Variants in SFMBT2 observed in about 807,000 individuals in gnomAD.
SFMBT2 encodes Scm like with four mbt domains 2.
Under a neutral mutation model 110.1 loss-of-function variants are expected in SFMBT2, and 38 were observed. That is an observed-to-expected ratio of 0.35 (90% CI 0.27 to 0.45). The LOEUF (loss-of-function observed/expected upper bound fraction) is 0.45. Ranked by LOEUF, SFMBT2 falls within the 20% of genes least tolerant of loss-of-function variation. The pLI, the probability that SFMBT2 is intolerant of heterozygous loss-of-function variation, is 1.00. For synonymous variants in SFMBT2, 425 were observed against 425.4 expected, an observed-to-expected ratio of 1.00 and a Z score of 0.01; for missense variants, 1,011 against 1,094.9, an observed-to-expected ratio of 0.92 and a Z score of 1.08.
rs371294084 is a variant in SFMBT2, at chr10:7,266,070, G to A, written c.870+10822C>T. On this transcript the variant is annotated intron_variant, in intron 7 of 20. Transcript: ENST00000397167. ...AGAGTGCGCAGAAGGGGAGATAGTG[G>A]AACAGAGTGCGGTTTTCTTTCCTTT... Among the ~76,000 whole-genome samples, 18 of 151,998 alleles carry A rather than the reference G, an allele frequency of 1.2e-4. No individual in the cohort carries two copies. The South Asian group carries it at 3.7e-3, about 32-fold the overall frequency.
At chr10:7,353,442 A>G (rs1364976544) in intron 4 of SFMBT2, among the ~76,000 whole-genome samples, 1 of 151,906 alleles carries the variant, frequency 6.6e-6, no homozygotes, top group East Asian at 1.9e-4. Flanking sequence ...ATGCTCAATT[A>G]TGATAAATCC....
intron 9 of SFMBT2, among the ~76,000 whole-genome samples, chr10:7,231,880 C>T (rs1310118273): frequency 3.9e-5 from 6 of 152,058 alleles, no homozygotes; most frequent in Non-Finnish European, 7.4e-5. Context: ...AAAATAACTG[C>T]GACATAAAAA....
At position 7,370,811 on chromosome 10, in the gene SFMBT2, A is replaced by T. The variant is rs148960042; in HGVS notation, c.101-436T>A. ...CAGAGAACAGCACTAATTGTTATAA[A>T]GATAAAGCACTGACTCTGGCATCAT... On this transcript the variant is annotated intron_variant, in intron 2 of 20. Coordinates refer to ENST00000397167, the MANE Select transcript of SFMBT2 (RefSeq NM_001387889.1). The T allele has an allele frequency of 2.1e-3, 2,100 of 981,506 alleles. 1 individual carries two copies. The highest frequency in any genetic ancestry group is 2.4e-3 in the Non-Finnish European group (1,998 of 826,344). The allele number at this position is 981,506 out of a possible 1,614,324, so 60.8% of individuals were successfully genotyped here.
intron 2 of SFMBT2, among the ~76,000 whole-genome samples, chr10:7,373,881 G>A (rs941455569): frequency 5.9e-5 from 9 of 152,214 alleles, no homozygotes; most frequent in Admixed American, 3.3e-4. Context: ...GCCGAAGGAG[G>A]CACAAGGTTC....
In SFMBT2 at chr10:7,170,827, C is replaced by A; in HGVS notation, c.2544+101G>T. Reference sequence around the variant, plus strand: ...ACACCTGCCGAGCAGCGCCGAAGAACCCCCTCGCAGGTGTCACGAGGAAGC... The same window carrying A: ...ACACCTGCCGAGCAGCGCCGAAGAAACCCCTCGCAGGTGTCACGAGGAAGC... On this transcript the variant is annotated intron_variant, in intron 20 of 20. Transcript: ENST00000397167. The surrounding 1 kb of genome is among the most constrained non-coding windows in gnomAD (Gnocchi z 4.6). 3.5e-6 allele frequency: 5 copies of A among 1,432,416 alleles called. No homozygotes were observed. The highest frequency in any genetic ancestry group is 1.8e-5 in the Admixed American group (1 of 54,342). The allele number at this position is 1,432,416 out of a possible 1,614,324, so 88.7% of individuals were successfully genotyped here.
At chr10:7,356,253 G>A (rs373172501) in intron 4 of SFMBT2, among the ~76,000 whole-genome samples, 49 of 152,166 alleles carry the variant, frequency 3.2e-4, no homozygotes, top group African/African-American at 1.1e-3. Flanking sequence ...TCTCATCCTC[G>A]TGGAAGTGTA....
At chr10:7,347,447 A>C (rs1844152786) in intron 4 of SFMBT2, among the ~76,000 whole-genome samples, 1 of 152,350 alleles carries the variant, frequency 6.6e-6, no homozygotes, top group South Asian at 2.1e-4. Context: ...AGCTGGAAGC[A>C]AAAATCCCTC....
rs774550188 is a variant in SFMBT2, at chr10:7,293,996, A to G, written c.437-8042T>C. ...CTCGCTGGACATGGCCACATCTCAT[A>G]GTACAATAGGAGGTACGTCCCAAAG... On this transcript the variant is annotated intron_variant, in intron 4 of 20. Coordinates refer to ENST00000397167, the MANE Select transcript of SFMBT2 (RefSeq NM_001387889.1). This position sits in a 1 kb window ranked among gnomAD's most constrained non-coding sequence, Gnocchi z 4.6. 6.6e-5 allele frequency among the ~76,000 whole-genome samples: 10 copies of G among 152,230 alleles called. No individual in the cohort carries two copies. The highest frequency in any genetic ancestry group is 1.5e-4 in the Non-Finnish European group (10 of 68,038).
intron 15 of SFMBT2, among the ~76,000 whole-genome samples, chr10:7,194,202 G>T (rs1838696311): frequency 6.6e-6 from 1 of 152,126 alleles, no homozygotes. Context: ...AGTGACTCTG[G>T]TTCCAGCTTC....
At chr10:7,236,439 C>G (rs1840257619) in intron 9 of SFMBT2, among the ~76,000 whole-genome samples, 1 of 152,098 alleles carries the variant, frequency 6.6e-6, no homozygotes, top group Admixed American at 6.5e-5. Flanking sequence ...GCTATACAAA[C>G]AGACTGAAGA....
chr10:7,267,178 T>A (rs933829956), intron 7 of SFMBT2, among the ~76,000 whole-genome samples: 1 of 152,042 alleles, frequency 6.6e-6, no homozygotes, highest in African/African-American at 2.4e-5. Context: ...ACCTGGCACC[T>A]CTTGTCACAG....
At position 7,160,245 on chromosome 10, in the gene SFMBT2, G is replaced by C. The variant is rs1216280462; in HGVS notation, c.*3525C>G. Reference sequence around the variant, plus strand: ...TTGTTTTGAAAGGCAAAGAAGTTCTGTAATGCCAGTAGTACCCTGTTGTTT... The same window carrying C: ...TTGTTTTGAAAGGCAAAGAAGTTCTCTAATGCCAGTAGTACCCTGTTGTTT... On this transcript the variant is annotated 3_prime_UTR_variant, in exon 21 of 21. Transcript: ENST00000397167. 1 of 152,200 alleles carries C rather than the reference G, an allele frequency of 6.6e-6. No homozygotes were observed. Among genetic ancestry groups the C allele is most frequent in the East Asian group, 1.9e-4 (1 of 5,202 alleles). 9.4% of individuals were successfully genotyped at this position (152,200 alleles called of 1,614,324 possible).
intron 4 of SFMBT2, among the ~76,000 whole-genome samples, chr10:7,345,560 T>C (rs1445600783): frequency 1.3e-5 from 2 of 152,164 alleles, no homozygotes; most frequent in African/African-American, 2.4e-5. Flanking sequence ...GGTTTTGCCA[T>C]GTTGGTCAGG....
At chr10:7,271,899 C>T (rs533574516) in intron 7 of SFMBT2, among the ~76,000 whole-genome samples, 6 of 152,230 alleles carry the variant, frequency 3.9e-5, no homozygotes, top group African/African-American at 1.4e-4. Flanking sequence ...GGGAAAGACC[C>T]ACCCCCATGA....
At chr10:7,292,714 T>C (rs1357853125) in intron 4 of SFMBT2, among the ~76,000 whole-genome samples, 1 of 152,200 alleles carries the variant, frequency 6.6e-6, no homozygotes, top group Admixed American at 6.5e-5. Flanking sequence ...AGTATCATTT[T>C]GTTGTAAAGA....
intron 9 of SFMBT2, chr10:7,228,272 G>A (rs1839958275): frequency 2.7e-6 from 1 of 375,948 alleles, no homozygotes; most frequent in Non-Finnish European, 3.7e-6. Context: ...GCACTGTGCA[G>A]AGATAGACAA....
intron 20 of SFMBT2, 123 bp from the exon 21 acceptor site, chr10:7,164,033 A>C: frequency 1.4e-6 from 2 of 1,405,824 alleles, no homozygotes; most frequent in Non-Finnish European, 1.8e-6. Context: ...CATTCAATTC[A>C]GGGGATTGTT....
chr10:7,370,476 C>G, intron 2 of SFMBT2, 101 bp from the exon 3 acceptor site: 1 of 984,714 alleles, frequency 1.0e-6, no homozygotes, highest in East Asian at 2.4e-5. Context: ...AAGACACAAG[C>G]TAATTCCACA....
chr10:7,338,852 T>C (rs1038947005), intron 4 of SFMBT2, among the ~76,000 whole-genome samples: 5 of 152,196 alleles, frequency 3.3e-5, no homozygotes, highest in Non-Finnish European at 7.3e-5. Context: ...TCCCAGGTTA[T>C]TTTGTCTCTC....
Sources: allele counts gnomAD v4.1 joint callset (sites outside exome capture counted in the v4.1 genomes callset), GRCh38; gene constraint gnomAD v4.1.1; non-coding constraint Gnocchi (gnomAD v3.1); transcripts MANE v1.5; gene names NCBI Gene and HGNC (gene_info 2026-07-23, HGNC 2026-07-21).